FBF1: variants seen among roughly 807,000 people sequenced by gnomAD.
FBF1 encodes the protein Fas binding factor 1.
FBF1 carries 119 observed loss-of-function variants against 147.2 expected under a neutral mutation model. The ratio of observed to expected loss-of-function variants is 0.81; its 90% CI spans 0.70 to 0.94. FBF1 has a LOEUF of 0.94. Ranked by LOEUF, FBF1 falls within the 40% of genes least tolerant of loss-of-function variation. The pLI is 0.00. For missense variants in FBF1, 1,449 were observed against 1,500.8 expected, an observed-to-expected ratio of 0.97 and a Z score of 0.57; for synonymous variants, 601 against 609.0, an observed-to-expected ratio of 0.99 and a Z score of 0.19.
intron 6 of FBF1, 105 bp from the exon 7 acceptor site, chr17:75,930,152 G>A (rs972562548): frequency 2.1e-5 from 18 of 837,346 alleles, no homozygotes; most frequent in Middle Eastern, 3.5e-4. Context: ...CAGACGGCGC[G>A]GCAGGAGCAG....
In FBF1 at chr17:75,925,377, T is replaced by C; in HGVS notation, c.938A>G (p.Glu313Gly). 6.2e-7 allele frequency: 1 copy of C among 1,613,388 alleles called. No homozygotes were observed. Among genetic ancestry groups the C allele is most frequent in the African/African-American group, 1.3e-5 (1 of 75,052 alleles). ...AGACTGCCGGCGGGACTGCCGGCCC[T>C]CAGAGGAGACCACAGTGGGCTGATA... ...GAYQPTVVSS[E>G]GRQSRRQSVS... The change falls in exon 13 of 30, where the codon GAG becomes GGG. Residue 313 changes from glutamate (E) to glycine (G), a missense_variant. Glu to Gly is a moderately conservative substitution (Grantham distance 98). Transcript: ENST00000636174. The surrounding 1 kb of genome is among the most constrained non-coding windows in gnomAD (Gnocchi z 5.0).
chr17:75,929,620 G>A (rs1171469468), intron 7 of FBF1, among the ~76,000 whole-genome samples: 2 of 152,188 alleles, frequency 1.3e-5, no homozygotes, highest in Non-Finnish European at 2.9e-5. Context: ...CAGCAGTATT[G>A]AAGGGGGCTT....
chr17:75,915,824 C>T (rs191755240), intron 23 of FBF1, among the ~76,000 whole-genome samples: 7 of 152,002 alleles, frequency 4.6e-5, no homozygotes, highest in South Asian at 2.1e-4. Context: ...GCCTGGCCAA[C>T]GTGGTGAAAC....
In FBF1 at chr17:75,925,911, C is replaced by A; in HGVS notation, c.868+119G>T. On this transcript the variant is annotated intron_variant, in intron 12 of 29. Transcript: ENST00000636174. This position sits in a 1 kb window ranked among gnomAD's most constrained non-coding sequence, Gnocchi z 5.0. ...AGTATTATTTTGTCTCAGCTATAGA[C>A]GTGTATAATCACATGTGTGTATCAG... 7.5e-7 allele frequency: 1 copy of A among 1,338,368 alleles called. No individual in the cohort carries two copies. The highest frequency in any genetic ancestry group is 2.9e-5 in the Admixed American group (1 of 34,602). The allele number at this position is 1,338,368 out of a possible 1,614,324, so 82.9% of individuals were successfully genotyped here. A position where few individuals can be genotyped will look rare whatever the true frequency, so the allele number is the denominator to read the frequency against.
intron 10 of FBF1, 74 bp downstream of exon 10, chr17:75,926,683 GC>G (rs1326222647): frequency 1.9e-5 from 29 of 1,551,440 alleles, no homozygotes; most frequent in Non-Finnish European, 2.5e-5. Context: ...CTCTGGTTCT[GC>G]ACCAGAAAGG....
At chr17:75,920,707 CAG>C (rs1339501339) in intron 17 of FBF1, among the ~76,000 whole-genome samples, 1 of 152,202 alleles carries the variant, frequency 6.6e-6, no homozygotes, top group Non-Finnish European at 1.5e-5. Context: ...TGAACCCCAG[CAG>C]AGTCTTCGCT....
At position 75,921,905 on chromosome 17, in the gene FBF1, C is replaced by T. The variant is rs1248446080; in HGVS notation, c.1526+40G>A. The stretch of plus-strand genomic sequence containing the variant: ...TCAGGACAGAGGCCTGTGCTGCCCA[C>T]CATGCTCTCATTCCCACTCAGCCCG... On this transcript the variant is annotated intron_variant, in intron 15 of 29. Transcript: ENST00000636174. 4.0e-6 allele frequency: 6 copies of T among 1,507,368 alleles called. No homozygotes were observed. In the South Asian group the frequency reaches 6.0e-5, roughly 15 times the overall value. 93.4% of individuals were successfully genotyped at this position (1,507,368 alleles called of 1,614,324 possible). A position where few individuals can be genotyped will look rare whatever the true frequency, so the allele number is the denominator to read the frequency against.
At chr17:75,931,795 A>G (rs557487211) in intron 5 of FBF1, among the ~76,000 whole-genome samples, 28 of 145,388 alleles carry the variant, frequency 1.9e-4, no homozygotes, top group African/African-American at 6.5e-4. Flanking sequence ...AAAATAAAGT[A>G]AAAAAAAAAA....
At chr17:75,939,318 C>T (rs1409148620) in intron 1 of FBF1, among the ~76,000 whole-genome samples, 2 of 114,464 alleles carry the variant, frequency 1.7e-5, no homozygotes, top group Non-Finnish European at 1.7e-5. Context: ...AAAAAAAAAA[C>T]GTGCTCTGGA....
chr17:75,929,600 G>A (rs1317276677), intron 7 of FBF1, among the ~76,000 whole-genome samples: 1 of 152,220 alleles, frequency 6.6e-6, no homozygotes, highest in Non-Finnish European at 1.5e-5. Flanking sequence ...GGCTTGATCT[G>A]ATGAGAAGAC....
In FBF1 at chr17:75,923,395, G is replaced by C. The variant is rs369138477; in HGVS notation, c.1215C>G (p.Pro405=). ...SQHSTPAGLP[P]SRAKPPTEGA... is the part of the protein sequence containing the mutation. The stretch of plus-strand genomic sequence containing the variant: ...CTTCAGTTGGTGGCTTTGCCCTGGA[G>C]GGGGGCAGCCCAGCTGGCGTGGAGT... The change falls in exon 14 of 30, where the codon CCC becomes CCG. Residue 405 remains proline (P), a synonymous_variant. Transcript: ENST00000636174. This position sits in a 1 kb window ranked among gnomAD's most constrained non-coding sequence, Gnocchi z 4.1. 34 of 1,607,096 alleles carry C rather than the reference G, an allele frequency of 2.1e-5. No individual in the cohort carries two copies. Among genetic ancestry groups the C allele is most frequent in the Admixed American group, 3.4e-5 (2 of 59,014 alleles).
intron 7 of FBF1, 33 bp downstream of exon 7, chr17:75,929,964 C>CCCAAAAAAAAA: frequency 7.1e-7 from 1 of 1,402,202 alleles, no homozygotes; most frequent in Non-Finnish European, 9.9e-7. Flanking sequence ...CACCCACCCC[C>CCCAAAAAAAAA]AGTTCTAAGA....
At chr17:75,931,357 G>C in intron 5 of FBF1, 68 bp from the exon 6 acceptor site, 1 of 1,434,434 alleles carries the variant, frequency 7.0e-7, no homozygotes, top group Non-Finnish European at 9.6e-7. Context: ...AAGGGGAGGA[G>C]TAGCTTAGAA....
Position 75,925,824 on chromosome 17 carries a change from A to G in FBF1, c.868+206T>C, listed in dbSNP as rs1457121379. On this transcript the variant is annotated intron_variant, in intron 12 of 29. Coordinates refer to ENST00000636174, the MANE Select transcript of FBF1 (RefSeq NM_001319193.2). This position sits in a 1 kb window ranked among gnomAD's most constrained non-coding sequence, Gnocchi z 5.0. ...CAGCCAGTGTGTTTCCAAATCAAACAGCATCTCAATCATAGACAACTGAGC... is the reference window on the plus strand; with the variant it reads ...CAGCCAGTGTGTTTCCAAATCAAACGGCATCTCAATCATAGACAACTGAGC... 1.3e-5 allele frequency among the ~76,000 whole-genome samples: 2 copies of G among 152,238 alleles called. No individual in the cohort carries two copies. Among genetic ancestry groups the G allele is most frequent in the African/African-American group, 4.8e-5 (2 of 41,466 alleles).
rs1413912084 is a variant in FBF1 at position 75,919,997 on chromosome 17, G to A, written c.1931+10C>T. ...GATCCAAGGCAGAGCTGGGGCCAGC[G>A]CCAGGGTACCTGTGTGCACTCTCGA... is the stretch of plus-strand genomic sequence containing the variant. On this transcript the variant is annotated intron_variant, in intron 19 of 29. Coordinates refer to ENST00000636174, the MANE Select transcript of FBF1 (RefSeq NM_001319193.2). The surrounding 1 kb of genome is among the most constrained non-coding windows in gnomAD (Gnocchi z 5.0). The A allele has an allele frequency of 3.7e-6, 6 of 1,607,978 alleles. No individual in the cohort carries two copies. The highest frequency in any genetic ancestry group is 1.7e-5 in the Admixed American group (1 of 58,870).
chr17:75,926,393 G>T lies in FBF1; in HGVS notation c.629C>A (p.Pro210His). ...CAACAATTCTTCTTTTTTTCGGATG[G>T]GGGTGTCCCCAGGAGTTAGAGGAAT... ...PSIPLTPGDT[P>H]IRKKEELLFD... The change falls in exon 11 of 30, where the codon CCC (proline) becomes CAC (histidine). Residue 210 changes from proline to histidine, a missense_variant. Physicochemically the swap from Pro to His is moderately conservative, Grantham distance 77. Transcript: ENST00000636174. 1 of 1,600,344 alleles carries T rather than the reference G, an allele frequency of 6.2e-7. No individual in the cohort carries two copies. The highest frequency in any genetic ancestry group is 8.5e-7 in the Non-Finnish European group (1 of 1,173,330).
At chr17:75,933,502 C>T (rs964465676) in intron 4 of FBF1, among the ~76,000 whole-genome samples, 4 of 151,998 alleles carry the variant, frequency 2.6e-5, no homozygotes, top group African/African-American at 4.8e-5. Context: ...AACCGGGAGA[C>T]GGAGATTGCA....
chr17:75,929,896 T>A, intron 7 of FBF1, 101 bp downstream of exon 7: 1 of 1,089,858 alleles, frequency 9.2e-7, no homozygotes, highest in Non-Finnish European at 1.4e-6. Context: ...ACACAGGTTG[T>A]AAAGGGAGAA....
chr17:75,929,945 A>AGGGGGGGGCCCCCCCCCC, intron 7 of FBF1, 52 bp downstream of exon 7: 2 of 650,912 alleles, frequency 3.1e-6, no homozygotes, highest in Non-Finnish European at 2.8e-6. Flanking sequence ...AAATATCATG[A>AGGGGGGGGCCCCCCCCCC]CCCCACCCCA....
Sources: allele counts gnomAD v4.1 joint callset (sites outside exome capture counted in the v4.1 genomes callset), GRCh38; gene constraint gnomAD v4.1.1; non-coding constraint Gnocchi (gnomAD v3.1); transcripts MANE v1.5; gene names NCBI Gene and HGNC (gene_info 2026-07-23, HGNC 2026-07-21).